ARMH1: variants seen among roughly 807,000 people sequenced by gnomAD.
ARMH1 encodes armadillo like helical domain containing 1.
Under a neutral mutation model 50.2 loss-of-function variants are expected in ARMH1, and 34 were observed. The observed-to-expected ratio is 0.68, with a 90% CI of 0.51 to 0.90. ARMH1 has a LOEUF of 0.90. ARMH1 is among the 40% of genes least tolerant of loss of function. ARMH1 has a pLI of 0.00. For missense variants in ARMH1, 538 were observed against 553.9 expected (o/e 0.97, Z 0.29); for synonymous variants, 221 against 224.2 (o/e 0.99, Z 0.13).
intron 6 of ARMH1, among the ~76,000 whole-genome samples, chr1:44,706,023 T>C (rs1306151907): frequency 1.3e-5 from 2 of 152,128 alleles, no homozygotes; most frequent in South Asian, 2.1e-4. Flanking sequence ...CTAGGAAAGG[T>C]AGGCTAGGAG....
chr1:44,713,805 G>A (rs1573453763), intron 6 of ARMH1, among the ~76,000 whole-genome samples: 2 of 152,154 alleles, frequency 1.3e-5, no homozygotes, highest in South Asian at 4.1e-4. Context: ...CGGACTGGTT[G>A]GGCTGGGTGA....
chr1:44,693,107 C>T (rs548261807), intron 2 of ARMH1: 37 of 152,320 alleles, frequency 2.4e-4, no homozygotes, highest in African/African-American at 6.5e-4. Context: ...CCTATCCACC[C>T]ACACTCCCAA....
chr1:44,714,187 G>A (rs1197161144), intron 6 of ARMH1, among the ~76,000 whole-genome samples: 5 of 146,496 alleles, frequency 3.4e-5, no homozygotes, highest in African/African-American at 7.6e-5. Flanking sequence ...GTAGAATGGC[G>A]TGAACCTGGG....
At chr1:44,720,992 G>A (rs1262085049) in intron 6 of ARMH1, among the ~76,000 whole-genome samples, 5 of 151,988 alleles carry the variant, frequency 3.3e-5, no homozygotes, top group South Asian at 4.2e-4. Flanking sequence ...AGCCGAGATC[G>A]TACCACTGTA....
At position 44,683,315 on chromosome 1, in the gene ARMH1, C is replaced by A. The variant is rs1645370763; in HGVS notation, c.-22-6361C>A. On this transcript the variant is annotated intron_variant, in intron 1 of 11. Coordinates refer to ENST00000535358, the MANE Select transcript of ARMH1 (RefSeq NM_001145636.2). The surrounding 1 kb of genome is among the most constrained non-coding windows in gnomAD (Gnocchi z 4.2). ...GTGACACATACCAGTGAAGAGTCTG[C>A]CGGTCACTTAAGTACATAAAGAGAT... 6.6e-6 allele frequency among the ~76,000 whole-genome samples: 1 copy of A among 152,112 alleles called. No individual in the cohort carries two copies. The highest frequency in any genetic ancestry group is 1.5e-5 in the Non-Finnish European group (1 of 68,032).
At chr1:44,719,691 G>GA (rs1470265626) in intron 6 of ARMH1, among the ~76,000 whole-genome samples, 2 of 152,244 alleles carry the variant, frequency 1.3e-5, no homozygotes, top group Non-Finnish European at 2.9e-5. Context: ...TGCAGGAGCT[G>GA]AAGCAGAGAC....
chr1:44,698,233 G>A lies in ARMH1; in HGVS notation c.442+4G>A, dbSNP rs1645895448. The stretch of plus-strand genomic sequence containing the variant: ...GAACTCATTTGTGAAAGCTATGGTG[G>A]GTACTGTGTGTGACAAGATGTGTCT... On this transcript the variant is annotated splice_donor_region_variant and intron_variant, in intron 4 of 11. Transcript: ENST00000535358. 1.3e-6 allele frequency: 2 copies of A among 1,549,876 alleles called. No individual in the cohort carries two copies. Among genetic ancestry groups the A allele is most frequent in the Non-Finnish European group, 1.7e-6 (2 of 1,145,458 alleles).
intron 6 of ARMH1, among the ~76,000 whole-genome samples, chr1:44,723,246 C>T (rs1045601484): frequency 2.0e-5 from 3 of 152,148 alleles, no homozygotes; most frequent in Admixed American, 1.3e-4. Flanking sequence ...TCCACAGCAC[C>T]TGTCACCATA....
At chr1:44,717,727 T>A (rs190358077) in intron 6 of ARMH1, among the ~76,000 whole-genome samples, 1 of 152,374 alleles carries the variant, frequency 6.6e-6, no homozygotes. Flanking sequence ...AATCAATGAA[T>A]AAATCAGTGA....
chr1:44,699,545 G>A (rs1366445965), intron 4 of ARMH1, among the ~76,000 whole-genome samples: 1 of 151,920 alleles, frequency 6.6e-6, no homozygotes, highest in African/African-American at 2.4e-5. Flanking sequence ...TGCCTCCTAG[G>A]TTCAAGCAAT....
At chr1:44,702,040 G>C (rs1295238298) in intron 5 of ARMH1, among the ~76,000 whole-genome samples, 1 of 152,166 alleles carries the variant, frequency 6.6e-6, no homozygotes, top group Non-Finnish European at 1.5e-5. Context: ...AGGAGTTCGA[G>C]GCTGCAATGA....
chr1:44,724,051 C>A lies in ARMH1; in HGVS notation c.725-71C>A. 4.0e-6 allele frequency: 6 copies of A among 1,514,514 alleles called. No individual in the cohort carries two copies. Among genetic ancestry groups the A allele is most frequent in the East Asian group, 2.5e-5 (1 of 40,638 alleles). 93.8% of individuals were successfully genotyped at this position (1,514,514 alleles called of 1,614,324 possible). ...GACACTGACGAGTGGCGACTTGGTT[C>A]ACGGGGTTCTTTGCTTCCTCGGTGG... On this transcript the variant is annotated intron_variant, in intron 6 of 11. Coordinates refer to ENST00000535358, the MANE Select transcript of ARMH1 (RefSeq NM_001145636.2). This position sits in a 1 kb window ranked among gnomAD's most constrained non-coding sequence, Gnocchi z 6.4.
intron 6 of ARMH1, among the ~76,000 whole-genome samples, chr1:44,706,203 C>T (rs1393443171): frequency 6.6e-6 from 1 of 152,196 alleles, no homozygotes; most frequent in Admixed American, 6.5e-5. Context: ...CAGGGAACCA[C>T]TTGAGGCTGG....
intron 4 of ARMH1, among the ~76,000 whole-genome samples, chr1:44,699,359 A>G (rs1645953204): frequency 6.6e-6 from 1 of 152,042 alleles, no homozygotes; most frequent in African/African-American, 2.4e-5. Flanking sequence ...TGCTAGGTAT[A>G]TGCCAGGTGC....
At chr1:44,701,169 T>G (rs1646065374) in intron 5 of ARMH1, 50 bp downstream of exon 5, 1 of 1,470,776 alleles carries the variant, frequency 6.8e-7, no homozygotes. Context: ...TGCAATAATC[T>G]TACAATTACC....
intron 1 of ARMH1, among the ~76,000 whole-genome samples, chr1:44,676,111 G>T (rs926168190): frequency 3.9e-5 from 6 of 152,194 alleles, no homozygotes; most frequent in African/African-American, 1.4e-4. Flanking sequence ...GAATTCCTTA[G>T]ACACTTATAG....
At chr1:44,693,607 T>G (rs1645730809) in intron 2 of ARMH1, among the ~76,000 whole-genome samples, 2 of 152,018 alleles carry the variant, frequency 1.3e-5, no homozygotes, top group Non-Finnish European at 2.9e-5. Flanking sequence ...CACCACCACA[T>G]CCCCAACTAA....
At chr1:44,689,328 G>A (rs531391520) in intron 1 of ARMH1, 105 of 238,028 alleles carry the variant, frequency 4.4e-4, no homozygotes, top group African/African-American at 2.2e-3. Context: ...CTTCCAAAGT[G>A]CTGGAATTAT....
intron 6 of ARMH1, among the ~76,000 whole-genome samples, chr1:44,714,827 C>G (rs1404694211): frequency 6.6e-6 from 1 of 151,520 alleles, no homozygotes; most frequent in Non-Finnish European, 1.5e-5. Context: ...TTTTTTAATT[C>G]TTTTTAGAGA....
Sources: allele counts gnomAD v4.1 joint callset (sites outside exome capture counted in the v4.1 genomes callset), GRCh38; gene constraint gnomAD v4.1.1; non-coding constraint Gnocchi (gnomAD v3.1); transcripts MANE v1.5; gene names NCBI Gene and HGNC (gene_info 2026-07-23, HGNC 2026-07-21).